Variants in CD99L2 observed in about 807,000 individuals in gnomAD.
The protein encoded by CD99L2 is CD99 molecule like 2.
A neutral mutation model predicts 27.3 loss-of-function variants in CD99L2; 24 were observed. That is an observed-to-expected ratio of 0.88 (90% CI 0.64 to 1.24). The LOEUF (loss-of-function observed/expected upper bound fraction) is 1.24, where lower values mean the gene tolerates loss of function less well. CD99L2 is among the 50% of genes most tolerant of loss of function. The pLI, the probability that CD99L2 is intolerant of heterozygous loss-of-function variation, is 0.00. For missense variants in CD99L2, 255 were observed against 221.6 expected (o/e 1.15, Z -0.96); for synonymous variants, 97 against 87.9 (o/e 1.10, Z -0.58).
chrX:150,795,554 T>TG, intron 4 of CD99L2, 68 bp from the exon 5 acceptor site: 2 of 1,046,207 alleles, frequency 1.9e-6, no homozygotes, highest in Non-Finnish European at 2.7e-6. Flanking sequence ...CATTCATGGC[T>TG]CAGGGAAGTC....
chrX:150,851,828 T>C (rs1557421612), intron 1 of CD99L2, among the ~76,000 whole-genome samples: 3 of 111,835 alleles, frequency 2.7e-5, no homozygotes. Context: ...CTTTGACATA[T>C]CAGGCCCCCT....
rs1418092441 is a variant in CD99L2, at chrX:150,767,494, C to T, written c.*1540G>A. Reference sequence around the variant, plus strand: ...CACTGGGAATGGCCTCACAAGGCAGCCTTGAGACGCACAGGGCTACAACTG... The same window carrying T: ...CACTGGGAATGGCCTCACAAGGCAGTCTTGAGACGCACAGGGCTACAACTG... On this transcript the variant is annotated 3_prime_UTR_variant, in exon 11 of 11. Transcript: ENST00000370377. 3 of 111,774 alleles carry T rather than the reference C, an allele frequency of 2.7e-5. No homozygotes were observed. Among genetic ancestry groups the T allele is most frequent in the Non-Finnish European group, 5.6e-5 (3 of 53,131 alleles). The allele number at this position is 111,774 out of a possible 1,213,427, so 9.2% of individuals were successfully genotyped here. A position where few individuals can be genotyped will look rare whatever the true frequency, so the allele number is the denominator to read the frequency against.
At chrX:150,773,550 G>A (rs993183958) in intron 9 of CD99L2, among the ~76,000 whole-genome samples, 4 of 112,633 alleles carry the variant, frequency 3.6e-5, no homozygotes, top group South Asian at 3.6e-4. Flanking sequence ...TTAGGCTGAC[G>A]ATGCTATAGT....
chrX:150,791,388 A>T (rs1318671064), intron 7 of CD99L2, among the ~76,000 whole-genome samples: 1 of 111,723 alleles, frequency 9.0e-6, no homozygotes, highest in Non-Finnish European at 1.9e-5. Context: ...GACACCAAGG[A>T]AATAAATCCA....
chrX:150,817,298 A>G (rs926205604), intron 2 of CD99L2, among the ~76,000 whole-genome samples: 1 of 111,098 alleles, frequency 9.0e-6, no homozygotes, highest in Admixed American at 9.6e-5. Flanking sequence ...CTTAAGTTGT[A>G]TTATATAAGT....
intron 2 of CD99L2, among the ~76,000 whole-genome samples, chrX:150,824,540 G>GAA (rs2046327925): frequency 1.1e-5 from 1 of 88,599 alleles, no homozygotes; most frequent in African/African-American, 4.2e-5. Context: ...GAAGAAAGAA[G>GAA]GAAGAAGGAA....
At chrX:150,830,462 G>A (rs1349230445) in intron 2 of CD99L2, among the ~76,000 whole-genome samples, 1 of 111,170 alleles carries the variant, frequency 9.0e-6, no homozygotes. Context: ...TGGGATGGAA[G>A]GATCACTTGA....
At chrX:150,881,716 G>A (rs782698040) in intron 1 of CD99L2, among the ~76,000 whole-genome samples, 9 of 112,345 alleles carry the variant, frequency 8.0e-5, no homozygotes, top group Non-Finnish European at 1.7e-4. Flanking sequence ...CGGCACAGGT[G>A]CCAGCTCAGG....
chrX:150,822,535 T>G (rs1278600047), intron 2 of CD99L2, among the ~76,000 whole-genome samples: 1 of 112,002 alleles, frequency 8.9e-6, no homozygotes, highest in African/African-American at 3.2e-5. Context: ...GTAGCAGATA[T>G]GTAAGATGAA....
intron 2 of CD99L2, among the ~76,000 whole-genome samples, chrX:150,822,354 G>C: frequency 8.9e-6 from 1 of 112,049 alleles, no homozygotes; most frequent in East Asian, 2.8e-4. Context: ...TGGTTATTTG[G>C]GGTTGGGAGG....
At chrX:150,776,392 C>G (rs2043553617) in intron 8 of CD99L2, 99 bp from the exon 9 acceptor site, 1 of 980,690 alleles carries the variant, frequency 1.0e-6, no homozygotes. Context: ...CACCAAACTA[C>G]TAGACGCCCC....
At chrX:150,793,989 C>T (rs1557419811) in intron 6 of CD99L2, among the ~76,000 whole-genome samples, 1 of 111,057 alleles carries the variant, frequency 9.0e-6, no homozygotes, top group Non-Finnish European at 1.9e-5. Context: ...ATATCACTCC[C>T]GTGATTAGGT....
intron 1 of CD99L2, among the ~76,000 whole-genome samples, chrX:150,894,416 C>T (rs1425472834): frequency 8.9e-6 from 1 of 111,913 alleles, no homozygotes; most frequent in South Asian, 3.7e-4. Context: ...ACCGTAGCAC[C>T]GAGCAGTTAG....
intron 8 of CD99L2, among the ~76,000 whole-genome samples, chrX:150,776,619 GCTTC>G (rs1184937367): frequency 8.9e-6 from 1 of 111,797 alleles, no homozygotes; most frequent in African/African-American, 3.3e-5. Flanking sequence ...CAATCTTCAT[GCTTC>G]CTTCCTTCAA....
chrX:150,862,208 GGCA>G (rs1557421928), intron 1 of CD99L2, among the ~76,000 whole-genome samples: 1 of 112,056 alleles, frequency 8.9e-6, no homozygotes, highest in African/African-American at 3.2e-5. Flanking sequence ...CCCTGTGGTA[GGCA>G]GAATTTCTCA....
chrX:150,809,482 G>T (rs1172153393), intron 4 of CD99L2, among the ~76,000 whole-genome samples: 1 of 112,168 alleles, frequency 8.9e-6, no homozygotes, highest in Admixed American at 9.5e-5. Flanking sequence ...ATATCAAAAA[G>T]CAGAAAAATA....
At chrX:150,894,744 C>A (rs782654781) in intron 1 of CD99L2, among the ~76,000 whole-genome samples, 1 of 110,477 alleles carries the variant, frequency 9.1e-6, no homozygotes, top group African/African-American at 3.3e-5. Context: ...CATGCCACCA[C>A]GCCTGGCTAA....
At chrX:150,822,425 A>G (rs1557420694) in intron 2 of CD99L2, among the ~76,000 whole-genome samples, 1 of 112,035 alleles carries the variant, frequency 8.9e-6, no homozygotes, top group East Asian at 2.8e-4. Flanking sequence ...AGTGATGGAA[A>G]TGTTTTGGAA....
chrX:150,805,481 C>T (rs782819641), intron 4 of CD99L2, among the ~76,000 whole-genome samples: 1 of 110,400 alleles, frequency 9.1e-6, no homozygotes, highest in African/African-American at 3.3e-5. Flanking sequence ...ATGTTCTCAC[C>T]ACAAAAATAT....
Sources: gnomAD v4.1 joint callset for allele counts (sites outside exome capture counted in the v4.1 genomes callset) on GRCh38, gnomAD v4.1.1 for gene constraint, MANE v1.5 for transcripts, NCBI Gene and HGNC (gene_info 2026-07-23, HGNC 2026-07-21) for gene names.